The following SH3RF3 variants were observed in gnomAD, a reference collection of about 807,000 sequenced individuals.
The protein encoded by SH3RF3 is SH3 domain containing ring finger 3.
In SH3RF3, 29 loss-of-function variants were observed where a neutral mutation model predicts 66.3. That is an observed-to-expected ratio of 0.44 (90% CI 0.33 to 0.60). The LOEUF is 0.60. Among genes scored for constraint, SH3RF3 ranks in the 20% least tolerant of loss-of-function variants. The pLI is 0.04. For synonymous variants in SH3RF3, 583 were observed against 532.0 expected, an observed-to-expected ratio of 1.10 and a Z score of -1.32; for missense variants, 1,194 against 1,190.9, an observed-to-expected ratio of 1.00 and a Z score of -0.04.
At chr2:109,386,466 T>C (rs10174250) in intron 3 of SH3RF3, among the ~76,000 whole-genome samples, 109,775 of 152,110 alleles carry the variant, frequency 0.72, 39,805 homozygotes, top group Middle Eastern at 0.83. Context: ...AGTGCAGTTA[T>C]AAACAATAGC....
At chr2:109,221,409 C>G (rs990569917) in intron 1 of SH3RF3, among the ~76,000 whole-genome samples, 1 of 151,998 alleles carries the variant, frequency 6.6e-6, no homozygotes, top group Non-Finnish European at 1.5e-5. Flanking sequence ...ATGGCAAAAC[C>G]CTGTCTCTAC....
chr2:109,434,679 G>A (rs1677349537), intron 6 of SH3RF3, among the ~76,000 whole-genome samples: 2 of 152,146 alleles, frequency 1.3e-5, no homozygotes, highest in African/African-American at 4.8e-5. Context: ...TGCTGTAGTC[G>A]GGATGGACAG....
At chr2:109,325,909 A>G (rs1279234258) in intron 1 of SH3RF3, among the ~76,000 whole-genome samples, 1 of 152,260 alleles carries the variant, frequency 6.6e-6, no homozygotes, top group African/African-American at 2.4e-5. Context: ...TAGTGTTTCC[A>G]TTAGAAATGA....
intron 1 of SH3RF3, among the ~76,000 whole-genome samples, chr2:109,331,822 G>C (rs548182626): frequency 2.6e-5 from 4 of 152,298 alleles, no homozygotes; most frequent in South Asian, 2.1e-4. Context: ...CTCGTGTTCA[G>C]ATCTTTGCCA....
In SH3RF3 at chr2:109,488,838, C is replaced by T. The variant is rs191003582; in HGVS notation, c.2149-1767C>T. On this transcript the variant is annotated intron_variant, in intron 8 of 9. Transcript: ENST00000309415. ...GGCCTGGCACGGTGCACAAGACCTTCAGGAAGTTATTGGAGGGAGAGTGAG... is the reference window on the plus strand; with the variant it reads ...GGCCTGGCACGGTGCACAAGACCTTTAGGAAGTTATTGGAGGGAGAGTGAG... Among the ~76,000 whole-genome samples, 174 of 152,336 alleles carry T rather than the reference C, an allele frequency of 1.1e-3. 1 individual carries two copies. The highest frequency in any genetic ancestry group is 2.2e-3 in the Non-Finnish European group (152 of 68,028).
intron 1 of SH3RF3, among the ~76,000 whole-genome samples, chr2:109,281,864 G>C (rs1680900979): frequency 6.6e-6 from 1 of 152,210 alleles, no homozygotes; most frequent in African/African-American, 2.4e-5. Flanking sequence ...CAGCGGGCTA[G>C]AGCTGACGGT....
At chr2:109,263,399 G>T (rs541616809) in intron 1 of SH3RF3, among the ~76,000 whole-genome samples, 130 of 152,210 alleles carry the variant, frequency 8.5e-4, no homozygotes, top group Admixed American at 2.0e-3. Context: ...TTTTTTATAG[G>T]TAGCTTTTCT....
intron 1 of SH3RF3, among the ~76,000 whole-genome samples, chr2:109,236,173 A>C (rs1471669283): frequency 6.6e-6 from 1 of 152,226 alleles, no homozygotes; most frequent in Non-Finnish European, 1.5e-5. Flanking sequence ...AATCACTGCC[A>C]AAAGAAAGAA....
intron 3 of SH3RF3, among the ~76,000 whole-genome samples, chr2:109,383,807 C>T (rs1050361632): frequency 1.3e-5 from 2 of 152,206 alleles, no homozygotes; most frequent in African/African-American, 2.4e-5. Context: ...CTTGGGACAT[C>T]AGCCGCATTT....
chr2:109,299,026 C>T (rs1210677135), intron 1 of SH3RF3, among the ~76,000 whole-genome samples: 1 of 152,212 alleles, frequency 6.6e-6, no homozygotes, highest in Non-Finnish European at 1.5e-5. Context: ...GATGTCTCCC[C>T]CCAGTGCCCT....
chr2:109,295,660 C>A (rs1052080537), intron 1 of SH3RF3, among the ~76,000 whole-genome samples: 1 of 147,582 alleles, frequency 6.8e-6, no homozygotes, highest in Non-Finnish European at 1.5e-5. Context: ...AGGACAGGGG[C>A]CTGCTGCCTG....
chr2:109,235,414 G>T (rs1166684510), intron 1 of SH3RF3, among the ~76,000 whole-genome samples: 1 of 152,162 alleles, frequency 6.6e-6, no homozygotes, highest in African/African-American at 2.4e-5. Flanking sequence ...GTTAGCTGAG[G>T]AGAGTGACTA....
At chr2:109,203,337 G>A (rs913920463) in intron 1 of SH3RF3, among the ~76,000 whole-genome samples, 1 of 152,226 alleles carries the variant, frequency 6.6e-6, no homozygotes, top group African/African-American at 2.4e-5. Flanking sequence ...CAGATGCGGC[G>A]GAGCTTGCTA....
chr2:109,467,954 G>T (rs539196936), intron 8 of SH3RF3, among the ~76,000 whole-genome samples: 14 of 152,234 alleles, frequency 9.2e-5, no homozygotes, highest in Admixed American at 2.0e-4. Context: ...CTCCATGCGG[G>T]CTGCTGGGTC....
At chr2:109,439,816 C>CCA (rs1417696146) in intron 7 of SH3RF3, among the ~76,000 whole-genome samples, 1 of 151,978 alleles carries the variant, frequency 6.6e-6, no homozygotes, top group Non-Finnish European at 1.5e-5. Context: ...AGCCCCATTT[C>CCA]CACCCCGGTT....
At chr2:109,180,780 G>T (rs903574494) in intron 1 of SH3RF3, among the ~76,000 whole-genome samples, 4 of 152,050 alleles carry the variant, frequency 2.6e-5, no homozygotes, top group African/African-American at 7.2e-5. Flanking sequence ...TTTGTAAATT[G>T]CCCAGTCTCT....
chr2:109,148,468 A>G (rs1329489302), intron 1 of SH3RF3, among the ~76,000 whole-genome samples: 2 of 152,208 alleles, frequency 1.3e-5, no homozygotes, highest in East Asian at 3.8e-4. Context: ...AACTGTGTAC[A>G]AATTTCTGCA....
At chr2:109,312,509 T>C (rs963419692) in intron 1 of SH3RF3, among the ~76,000 whole-genome samples, 6 of 152,106 alleles carry the variant, frequency 3.9e-5, no homozygotes, top group Non-Finnish European at 8.8e-5. Flanking sequence ...GGAAACTCTC[T>C]ACCCATCAGC....
chr2:109,392,160 T>C (rs1342624612), intron 3 of SH3RF3, among the ~76,000 whole-genome samples: 1 of 152,204 alleles, frequency 6.6e-6, no homozygotes, highest in Non-Finnish European at 1.5e-5. Context: ...ATCTCTAAAA[T>C]GTACCCAACC....
Sources: gnomAD v4.1 joint callset for allele counts (sites outside exome capture counted in the v4.1 genomes callset) on GRCh38, gnomAD v4.1.1 for gene constraint, MANE v1.5 for transcripts, NCBI Gene and HGNC (gene_info 2026-07-23, HGNC 2026-07-21) for gene names.